Variants in GIPC2 observed in about 807,000 individuals in gnomAD.
GIPC2 encodes the protein PDZ domain-containing protein GIPC2.
A neutral mutation model predicts 30.6 loss-of-function variants in GIPC2; 30 were observed. The observed-to-expected ratio is 0.98, with a 90% confidence interval of 0.73 to 1.33. The LOEUF (loss-of-function observed/expected upper bound fraction) is 1.33. Ranked by LOEUF, GIPC2 falls within the 40% of genes most tolerant of loss-of-function variation. The pLI is 0.00. For synonymous variants in GIPC2, 167 were observed against 150.0 expected, an observed-to-expected ratio of 1.11 and a Z score of -0.83; for missense variants, 414 against 390.3, an observed-to-expected ratio of 1.06 and a Z score of -0.51.
rs760505195 is a variant in GIPC2 at position 78,046,213 on chromosome 1, G to A, written c.119G>A (p.Arg40His). 1.3e-5 allele frequency: 20 copies of A among 1,596,828 alleles called. No individual in the cohort carries two copies. Among genetic ancestry groups the A allele is most frequent in the Non-Finnish European group, 1.7e-5 (20 of 1,173,136 alleles). Reference sequence around the variant, plus strand: ...CTCTCAGCGTCCCGGGCTCCCGCACGCAGGCTGGTCTTCCACGCGCAGCTG... The same window carrying A: ...CTCTCAGCGTCCCGGGCTCCCGCACACAGGCTGGTCTTCCACGCGCAGCTG... Reference protein sequence around the residue: ...GSLSASRAPARRLVFHAQLAH... With the variant: ...GSLSASRAPAHRLVFHAQLAH... Residue 40 changes from arginine to histidine, a missense_variant, in exon 1 of 6, where the codon CGC (arginine) becomes CAC (histidine). Coordinates refer to ENST00000370759, the MANE Select transcript of GIPC2 (RefSeq NM_017655.6).
chr1:78,071,526 C>T (rs1207262405), intron 1 of GIPC2, among the ~76,000 whole-genome samples: 4 of 148,946 alleles, frequency 2.7e-5, no homozygotes, highest in Admixed American at 1.3e-4. Context: ...CTTCTTTCTC[C>T]TCCTCCTCCT....
chr1:78,124,994 ACAAAG>A (rs1662755984), intron 4 of GIPC2, among the ~76,000 whole-genome samples: 1 of 151,882 alleles, frequency 6.6e-6, no homozygotes. Flanking sequence ...ACAAAACAAA[ACAAAG>A]CAAGACAAAA....
At position 78,135,930 on chromosome 1, in the gene GIPC2, A is replaced by G; in HGVS notation, c.*187A>G. ...GGGCACTTTTTAACATTGCTGATGT[A>G]GTATGCTTAAGAGAAATGACCTAAA... On this transcript the variant is annotated 3_prime_UTR_variant, in exon 6 of 6. Coordinates refer to ENST00000370759, the MANE Select transcript of GIPC2 (RefSeq NM_017655.6). The G allele has an allele frequency of 2.0e-6, 1 of 492,370 alleles. No individual in the cohort carries two copies. The highest frequency in any genetic ancestry group is 3.5e-6 in the Non-Finnish European group (1 of 285,070). 30.5% of individuals were successfully genotyped at this position (492,370 alleles called of 1,614,324 possible).
chr1:78,089,324 A>G (rs1320667757), intron 2 of GIPC2, among the ~76,000 whole-genome samples: 1 of 152,208 alleles, frequency 6.6e-6, no homozygotes, highest in East Asian at 1.9e-4. Flanking sequence ...TCAAGTGGGA[A>G]TGTTAGCACC....
intron 1 of GIPC2, among the ~76,000 whole-genome samples, chr1:78,048,795 G>A (rs1362749403): frequency 1.3e-5 from 2 of 151,818 alleles, no homozygotes; most frequent in Non-Finnish European, 2.9e-5. Context: ...TGGTAGCCAC[G>A]TTCAACATTT....
At chr1:78,045,037 G>A (rs767358286), upstream of GIPC2, 11 of 968,466 alleles carry the variant, frequency 1.1e-5, no homozygotes, top group Admixed American at 1.8e-4. Flanking sequence ...GAGAGGAGAG[G>A]TAAGGAAGCC....
chr1:78,089,391 G>T (rs1189958252), intron 2 of GIPC2, among the ~76,000 whole-genome samples: 1 of 152,170 alleles, frequency 6.6e-6, no homozygotes, highest in Non-Finnish European at 1.5e-5. Context: ...AATGTCTGCA[G>T]TACTCACAAT....
At chr1:78,124,144 A>G (rs1033726248) in intron 4 of GIPC2, among the ~76,000 whole-genome samples, 6 of 152,200 alleles carry the variant, frequency 3.9e-5, no homozygotes, top group African/African-American at 1.2e-4. Flanking sequence ...GGGCAATTCC[A>G]TTTTCAGCTA....
intron 1 of GIPC2, among the ~76,000 whole-genome samples, chr1:78,058,929 C>T (rs894412436): frequency 5.9e-5 from 9 of 152,138 alleles, no homozygotes; most frequent in Admixed American, 5.9e-4. Flanking sequence ...ATAGTGAATG[C>T]CCATTTAGCA....
chr1:78,115,838 T>C (rs1044895314), intron 3 of GIPC2, among the ~76,000 whole-genome samples: 5 of 152,218 alleles, frequency 3.3e-5, no homozygotes, highest in African/African-American at 1.2e-4. Flanking sequence ...AAGACTTATG[T>C]TTTATGTTTT....
chr1:78,068,979 TC>T, intron 1 of GIPC2: 1 of 647,564 alleles, frequency 1.5e-6, no homozygotes, highest in African/African-American at 2.0e-5. Context: ...CTTGGTCTTC[TC>T]CCTCTCTTTT....
intron 3 of GIPC2, among the ~76,000 whole-genome samples, chr1:78,114,391 A>G (rs148568126): frequency 1.8e-3 from 279 of 152,354 alleles, no homozygotes; most frequent in Non-Finnish European, 2.3e-3. Context: ...TGGTCTCCAA[A>G]ACATTTCAAA....
At position 78,090,191 on chromosome 1, in the gene GIPC2, TTTAC is replaced by T. The variant is rs537168586; in HGVS notation, c.427-4749_427-4746del. On this transcript the variant is annotated intron_variant, in intron 2 of 5. Coordinates refer to ENST00000370759, the MANE Select transcript of GIPC2 (RefSeq NM_017655.6). ...ACTTGTACTTTAATTAATTAATTAA[TTTAC>T]TTACTTACTTATTTATTGAGACGGA... Among the ~76,000 whole-genome samples, 244 of 152,194 alleles carry T rather than the reference TTTAC, an allele frequency of 1.6e-3. 1 individual carries two copies. The highest frequency in any genetic ancestry group is 5.6e-3 in the African/African-American group (233 of 41,508).
chr1:78,094,244 G>A lies in GIPC2; in HGVS notation c.427-708G>A, dbSNP rs556852515. Among the ~76,000 whole-genome samples the A allele has an allele frequency of 1.3e-4, 20 of 152,318 alleles. No homozygotes were observed. In the South Asian group the frequency reaches 4.1e-3, roughly 32 times the overall value. ...CTCAAGCTCTATTCTTATGTGATGG[G>A]CCTCAATTGAAATGATTCAGTAATC... On this transcript the variant is annotated intron_variant, in intron 2 of 5. Coordinates refer to ENST00000370759, the MANE Select transcript of GIPC2 (RefSeq NM_017655.6).
intron 2 of GIPC2, among the ~76,000 whole-genome samples, chr1:78,084,304 A>C (rs1378889543): frequency 6.6e-6 from 1 of 152,166 alleles, no homozygotes; most frequent in Non-Finnish European, 1.5e-5. Context: ...ACTTGAGGCC[A>C]GGAGTTCGAG....
chr1:78,075,176 G>GT (rs2100334480), intron 1 of GIPC2, among the ~76,000 whole-genome samples: 1 of 152,348 alleles, frequency 6.6e-6, no homozygotes, highest in African/African-American at 2.4e-5. Flanking sequence ...ATAAAAGAGA[G>GT]CTGTGTGTGG....
At chr1:78,093,013 T>C (rs979276749) in intron 2 of GIPC2, among the ~76,000 whole-genome samples, 1 of 152,206 alleles carries the variant, frequency 6.6e-6, no homozygotes, top group Admixed American at 6.5e-5. Context: ...ATATAATGCT[T>C]ATTTTAAATA....
chr1:78,063,851 C>T (rs1229455003), intron 1 of GIPC2, among the ~76,000 whole-genome samples: 4 of 148,038 alleles, frequency 2.7e-5, no homozygotes, highest in Non-Finnish European at 4.4e-5. Context: ...GAGATTGTGC[C>T]GCTGCACTCC....
intron 1 of GIPC2, among the ~76,000 whole-genome samples, chr1:78,074,309 GT>G (rs779707376): frequency 6.6e-6 from 1 of 152,166 alleles, no homozygotes; most frequent in Non-Finnish European, 1.5e-5. Context: ...GCTCACTGCA[GT>G]CTTGAACTCT....
Sources: allele counts gnomAD v4.1 joint callset (sites outside exome capture counted in the v4.1 genomes callset), GRCh38; gene constraint gnomAD v4.1.1; transcripts MANE v1.5; gene names NCBI Gene and HGNC (gene_info 2026-07-23, HGNC 2026-07-21).